RBMS3: variants seen among roughly 807,000 people sequenced by gnomAD.
The protein encoded by RBMS3 is RNA-binding motif, single-stranded-interacting protein 3.
In RBMS3, 27 loss-of-function variants were observed where a neutral mutation model predicts 66.8. The observed-to-expected ratio is 0.40, with a 90% CI of 0.30 to 0.56. The LOEUF is 0.56. Ranked by LOEUF, RBMS3 falls within the 20% of genes least tolerant of loss-of-function variation. The pLI is 0.40. For missense variants in RBMS3, 513 were observed against 549.5 expected (o/e 0.93, Z 0.66); for synonymous variants, 188 against 183.0 (o/e 1.03, Z -0.22).
intron 12 of RBMS3, among the ~76,000 whole-genome samples, chr3:29,984,404 C>A (rs1193360963): frequency 6.6e-6 from 1 of 151,848 alleles, no homozygotes. Context: ...CTTCTGAAGC[C>A]CACTTCTGTC....
At chr3:29,867,785 G>C (rs1398933855) in intron 6 of RBMS3, among the ~76,000 whole-genome samples, 2 of 151,476 alleles carry the variant, frequency 1.3e-5, no homozygotes, top group African/African-American at 4.9e-5. Context: ...TCAAGAATTA[G>C]GGCCTTTAGT....
chr3:29,788,782 A>G (rs2056910391), intron 6 of RBMS3, among the ~76,000 whole-genome samples: 1 of 152,188 alleles, frequency 6.6e-6, no homozygotes, highest in South Asian at 2.1e-4. Context: ...GTAATATAGT[A>G]TATGCTTATT....
At chr3:29,670,177 A>T (rs2050934592) in intron 4 of RBMS3, among the ~76,000 whole-genome samples, 1 of 152,190 alleles carries the variant, frequency 6.6e-6, no homozygotes, top group African/African-American at 2.4e-5. Context: ...TATGGGTTAA[A>T]TGGCGTTCTC....
intron 1 of RBMS3, among the ~76,000 whole-genome samples, chr3:29,291,157 G>A (rs1353668947): frequency 6.6e-6 from 1 of 151,894 alleles, no homozygotes; most frequent in African/African-American, 2.4e-5. Flanking sequence ...GCATATAAAT[G>A]TTAATTGATT....
intron 6 of RBMS3, among the ~76,000 whole-genome samples, chr3:29,794,595 A>G (rs1460404893): frequency 4.6e-5 from 7 of 152,168 alleles, no homozygotes; most frequent in South Asian, 4.1e-4. Flanking sequence ...CAAAAAATAA[A>G]CAAACAACAA....
chr3:29,670,196 C>G (rs1457075171), intron 4 of RBMS3, among the ~76,000 whole-genome samples: 1 of 152,140 alleles, frequency 6.6e-6, no homozygotes, highest in African/African-American at 2.4e-5. Flanking sequence ...TCCCAAAATT[C>G]ATGTGTTCCT....
intron 1 of RBMS3, among the ~76,000 whole-genome samples, chr3:29,293,053 T>G (rs2032951218): frequency 6.6e-6 from 1 of 151,854 alleles, no homozygotes; most frequent in African/African-American, 2.4e-5. Context: ...CATTCAGTAA[T>G]AGCCAGCATT....
intron 1 of RBMS3, among the ~76,000 whole-genome samples, chr3:29,381,037 T>C (rs895635068): frequency 1.3e-5 from 2 of 152,216 alleles, no homozygotes; most frequent in African/African-American, 4.8e-5. Context: ...ATACTCCATA[T>C]GATACATCAT....
chr3:29,797,172 A>G (rs1364196894), intron 6 of RBMS3, among the ~76,000 whole-genome samples: 1 of 152,180 alleles, frequency 6.6e-6, no homozygotes, highest in Non-Finnish European at 1.5e-5. Flanking sequence ...TTGAAAATCT[A>G]TTGTTTAGTG....
At chr3:29,601,237 A>G (rs928712047) in intron 4 of RBMS3, among the ~76,000 whole-genome samples, 25 of 152,016 alleles carry the variant, frequency 1.6e-4, no homozygotes, top group Admixed American at 1.2e-3. Flanking sequence ...TTGAGCACAT[A>G]TTATTTAGGA....
chr3:29,985,272 G>C (rs1378125430), intron 12 of RBMS3, among the ~76,000 whole-genome samples: 1 of 152,176 alleles, frequency 6.6e-6, no homozygotes, highest in Non-Finnish European at 1.5e-5. Flanking sequence ...AGACTGCTGT[G>C]CTGGCAGCAA....
intron 4 of RBMS3, among the ~76,000 whole-genome samples, chr3:29,596,170 T>G (rs1350363): frequency 0.15 from 22,788 of 152,216 alleles, 1,966 homozygotes; most frequent in East Asian, 0.32. Context: ...TGGCCCCAAC[T>G]TTTAACCAAC....
chr3:29,933,419 CCT>C (rs2061181922), intron 10 of RBMS3, among the ~76,000 whole-genome samples: 1 of 151,972 alleles, frequency 6.6e-6, no homozygotes, highest in Non-Finnish European at 1.5e-5. Flanking sequence ...CAACACTAAA[CCT>C]CTCTAAGTTG....
At chr3:29,382,957 C>G (rs2038836935) in intron 1 of RBMS3, among the ~76,000 whole-genome samples, 1 of 152,184 alleles carries the variant, frequency 6.6e-6, no homozygotes, top group African/African-American at 2.4e-5. Context: ...AATGACGCCT[C>G]TGATCAGGAA....
At chr3:29,458,910 C>T (rs60264501) in intron 2 of RBMS3, among the ~76,000 whole-genome samples, 8,328 of 152,222 alleles carry the variant, frequency 0.055, 723 homozygotes, top group African/African-American at 0.19. Context: ...GTTATATCTT[C>T]TTTTATTCAA....
chr3:29,971,151 G>A lies in RBMS3; in HGVS notation c.1099-16992G>A, dbSNP rs1697203203. Among the ~76,000 whole-genome samples the A allele has an allele frequency of 2.0e-5, 3 of 152,078 alleles. No homozygotes were observed. In the South Asian group the frequency reaches 6.2e-4, roughly 32 times the overall value. ...TTATCCCATTCCCCGCTTTATAACT[G>A]CCTCCTCTCTTGGACTCACTTGTCC... On this transcript the variant is annotated intron_variant, in intron 12 of 14. Coordinates refer to ENST00000383767, the MANE Select transcript of RBMS3 (RefSeq NM_001003793.3).
At chr3:29,498,381 A>T (rs2043842140) in intron 3 of RBMS3, among the ~76,000 whole-genome samples, 1 of 152,136 alleles carries the variant, frequency 6.6e-6, no homozygotes, top group South Asian at 2.1e-4. Context: ...TTGTTCATTA[A>T]TGATTTTATT....
chr3:29,730,930 C>T (rs1009499237), intron 4 of RBMS3: 1 of 985,206 alleles, frequency 1.0e-6, no homozygotes, highest in Non-Finnish European at 1.2e-6. Context: ...TGATACTGAG[C>T]TCAAGTTCAT....
At chr3:29,827,008 G>A (rs1357818561) in intron 6 of RBMS3, among the ~76,000 whole-genome samples, 4 of 152,200 alleles carry the variant, frequency 2.6e-5, no homozygotes, top group East Asian at 1.9e-4. Context: ...GGGGAACTGA[G>A]TGATTTAAGA....
Sources: gnomAD v4.1 joint callset for allele counts (sites outside exome capture counted in the v4.1 genomes callset) on GRCh38, gnomAD v4.1.1 for gene constraint, MANE v1.5 for transcripts, NCBI Gene and HGNC (gene_info 2026-07-23, HGNC 2026-07-21) for gene names.